The following PWWP3B variants were observed in gnomAD, a reference collection of about 807,000 sequenced individuals.
PWWP3B encodes PWWP domain containing 3B.
PWWP3B carries 5 observed loss-of-function variants against 15.7 expected under a neutral mutation model. That is an observed-to-expected ratio of 0.32 (90% confidence interval 0.17 to 0.67). The LOEUF (loss-of-function observed/expected upper bound fraction) is 0.67. Among genes scored for constraint, PWWP3B ranks in the 30% least tolerant of loss-of-function variants. The pLI is 0.74. For missense variants in PWWP3B, 519 were observed against 493.1 expected, an observed-to-expected ratio of 1.05 and a Z score of -0.50; for synonymous variants, 203 against 179.8, an observed-to-expected ratio of 1.13 and a Z score of -1.03.
rs545956020 is a variant in PWWP3B, at chrX:106,182,471, A to G, written c.-401+11332A>G. 1.8e-4 allele frequency among the ~76,000 whole-genome samples: 20 copies of G among 111,570 alleles called. No individual in the cohort carries two copies. The South Asian group carries it at 7.2e-3, about 40-fold the overall frequency. ...AGGCAGATATAGGTTGATGTTCCACATAAGAAGAATATGTCTTAGCTGGGT... is the reference window on the plus strand; with the variant it reads ...AGGCAGATATAGGTTGATGTTCCACGTAAGAAGAATATGTCTTAGCTGGGT... On this transcript the variant is annotated intron_variant, in intron 2 of 3. Transcript: ENST00000357175.
At chrX:106,171,574 G>A (rs966208958) in intron 2 of PWWP3B, among the ~76,000 whole-genome samples, 4 of 111,307 alleles carry the variant, frequency 3.6e-5, no homozygotes, top group Admixed American at 2.9e-4. Context: ...ATGGCTTAAC[G>A]ATGGGGACAT....
chrX:106,189,735 A>G lies in PWWP3B; in HGVS notation c.-400-14250A>G, dbSNP rs1388706184. Among the ~76,000 whole-genome samples the G allele has an allele frequency of 1.2e-4, 12 of 104,266 alleles. No homozygotes were observed. The Admixed American group carries it at 1.2e-3, about 10-fold the overall frequency. 90.5% of individuals were successfully genotyped at this position (104,266 alleles called of 115,157 possible). ...CGGGTTCACGCCATTCTCCTGCCTC[A>G]GCCTCCCGAGTAGCTGGGACTACAG... On this transcript the variant is annotated intron_variant, in intron 2 of 3. Coordinates refer to ENST00000357175, the MANE Select transcript of PWWP3B (RefSeq NM_001171020.2).
intron 2 of PWWP3B, among the ~76,000 whole-genome samples, chrX:106,189,234 TTTA>T (rs1048305709): frequency 1.1e-4 from 12 of 111,860 alleles, no homozygotes; most frequent in African/African-American, 2.3e-4. Context: ...TTTTTAAAAT[TTTA>T]TTATTATTAT....
rs1924096484 is a variant in PWWP3B, at chrX:106,207,242, G to A, written c.1810G>A (p.Asp604Asn). Residue 604 changes from aspartate (D) to asparagine (N), a missense_variant, in exon 4 of 4, where the codon GAT becomes AAT. By Grantham distance (23) the Asp-to-Asn change is conservative. Transcript: ENST00000357175. Reference sequence around the variant, plus strand: ...TATTGAAACATACTTTGAGGATGAAGATCAGTTGGATGAAGTGGTGAAATA... The same window carrying A: ...TATTGAAACATACTTTGAGGATGAAAATCAGTTGGATGAAGTGGTGAAATA... ...PCIETYFEDE[D>N]QLDEVVKYLQ... 2 of 1,210,462 alleles carry A rather than the reference G, an allele frequency of 1.7e-6. No individual in the cohort carries two copies. The highest frequency in any genetic ancestry group is 1.7e-5 in the African/African-American group (1 of 57,907).
intron 2 of PWWP3B, among the ~76,000 whole-genome samples, chrX:106,195,235 T>C (rs1923305170): frequency 8.9e-6 from 1 of 112,048 alleles, no homozygotes; most frequent in South Asian, 3.7e-4. Context: ...TTATTGAATT[T>C]TGAGAGTTCT....
intron 2 of PWWP3B, among the ~76,000 whole-genome samples, chrX:106,198,480 TG>T (rs1481557032): frequency 1.8e-5 from 2 of 111,658 alleles, no homozygotes; most frequent in Non-Finnish European, 3.8e-5. Context: ...GAGTTGGTTA[TG>T]GCCCTCTCTT....
chrX:106,182,673 C>T (rs1029701447), intron 2 of PWWP3B, among the ~76,000 whole-genome samples: 4 of 105,513 alleles, frequency 3.8e-5, no homozygotes, highest in African/African-American at 1.1e-4. Context: ...AGGAACCATT[C>T]GAGAGGGTGA....
At chrX:106,168,884 T>C (rs1433630780) in intron 1 of PWWP3B, among the ~76,000 whole-genome samples, 1 of 112,013 alleles carries the variant, frequency 8.9e-6, no homozygotes, top group Non-Finnish European at 1.9e-5. Context: ...AGAATTAGTT[T>C]GGTTATTTGT....
chrX:106,189,679 G>A (rs1254277488), intron 2 of PWWP3B, among the ~76,000 whole-genome samples: 6 of 101,319 alleles, frequency 5.9e-5, no homozygotes, highest in East Asian at 3.1e-4. Flanking sequence ...GTGCAGTGGC[G>A]TGATCTCGGC....
rs1924105074 is a variant in PWWP3B at position 106,207,378 on chromosome X, T to A, written c.1946T>A (p.Ile649Asn). The A allele has an allele frequency of 8.5e-7, 1 of 1,175,144 alleles. No homozygotes were observed. The highest frequency in any genetic ancestry group is 1.8e-5 in the African/African-American group (1 of 56,343). ...CTGCCAGAAGCAATTATTTGTTCAA[T>A]TTCTGCTGTTGATGGGTTAGATTAC... is the stretch of plus-strand genomic sequence containing the variant. ...VLLPEAIICS[I>N]SAVDGLDYEA... The change falls in exon 4 of 4, where the codon ATT becomes AAT. Residue 649 changes from isoleucine to asparagine, a missense_variant. Transcript: ENST00000357175.
intron 2 of PWWP3B, among the ~76,000 whole-genome samples, chrX:106,200,058 G>C (rs1431696838): frequency 9.0e-6 from 1 of 111,534 alleles, no homozygotes; most frequent in East Asian, 2.8e-4. Context: ...GGGGATCCAT[G>C]CCTAAATTCT....
rs1261391252 is a variant in PWWP3B at position 106,208,781 on chromosome X, T to C, written c.*1258T>C. 3 of 123,663 alleles carry C rather than the reference T, an allele frequency of 2.4e-5. No homozygotes were observed. In the East Asian group the frequency reaches 8.4e-4, roughly 35 times the overall value. The allele number at this position is 123,663 out of a possible 1,213,427, so 10.2% of individuals were successfully genotyped here. The stretch of plus-strand genomic sequence containing the variant: ...TAAATGTTAGAAAAGTTAGTTTATT[T>C]TGGAAACCTGCCGTGAAAGGAAATT... On this transcript the variant is annotated 3_prime_UTR_variant, in exon 4 of 4. Transcript: ENST00000357175.
At position 106,206,032 on chromosome X, in the gene PWWP3B, G is replaced by T; in HGVS notation, c.600G>T (p.Ser200=). ...SSWCETFPSL[S]EDNDEKENKN... ...GGTGCGAGACTTTCCCTTCACTTTC[G>T]GAAGATAATGATGAAAAAGAGAACA... Residue 200 remains serine (S), a synonymous_variant, in exon 4 of 4, where the codon TCG becomes TCT. Transcript: ENST00000357175. 8.3e-7 allele frequency: 1 copy of T among 1,208,751 alleles called. No individual in the cohort carries two copies. The highest frequency in any genetic ancestry group is 3.0e-5 in the East Asian group (1 of 33,762).
In PWWP3B at chrX:106,205,804, A is replaced by G. The variant is rs1569367196; in HGVS notation, c.372A>G (p.Lys124=). 8.3e-7 allele frequency: 1 copy of G among 1,211,328 alleles called. No homozygotes were observed. Among genetic ancestry groups the G allele is most frequent in the East Asian group, 3.0e-5 (1 of 33,807 alleles). Residue 124 remains lysine (K), a synonymous_variant, in exon 4 of 4, where the codon AAA becomes AAG. Coordinates refer to ENST00000357175, the MANE Select transcript of PWWP3B (RefSeq NM_001171020.2). The part of the protein sequence containing the change: ...ITMLSQNVPQ[K]QSDSPPHKKY... ...TGCTGTCTCAAAATGTACCACAAAA[A>G]CAGTCCGATTCACCCCCTCATAAAA...
Position 106,206,123 on chromosome X carries a change from G to A in PWWP3B, c.691G>A (p.Val231Ile). 8.3e-7 allele frequency: 1 copy of A among 1,210,961 alleles called. No individual in the cohort carries two copies. The highest frequency in any genetic ancestry group is 1.1e-6 in the Non-Finnish European group (1 of 895,031). Residue 231 changes from valine (V) to isoleucine (I), a missense_variant, in exon 4 of 4, where the codon GTT becomes ATT. Transcript: ENST00000357175. ...TGCAGTCAAAGAGGAAAGTGCATGT[G>A]TTAAAGATGAAAAGTTTGCTCCACC... ...HSAVKEESAC[V>I]KDEKFAPPLS...
chrX:106,171,475 A>G (rs771974403), intron 2 of PWWP3B, among the ~76,000 whole-genome samples: 1 of 111,962 alleles, frequency 8.9e-6, no homozygotes, highest in Admixed American at 9.5e-5. Flanking sequence ...CTAGGTTGTC[A>G]TACCATAAAC....
Position 106,206,362 on chromosome X carries a change from T to C in PWWP3B, c.930T>C (p.Pro310=), listed in dbSNP as rs758647664. The C allele has an allele frequency of 3.3e-6, 4 of 1,203,073 alleles. No homozygotes were observed. The highest frequency in any genetic ancestry group is 5.9e-5 in the East Asian group (2 of 33,652). The change falls in exon 4 of 4, where the codon CCT becomes CCC. Residue 310 remains proline, a synonymous_variant. Transcript: ENST00000357175. ...CAGAGATGGGGGCTGCAGCATGCCC[T>C]GGGAGTTGTTCAAGGGAATGCGAGG... ...MESEMGAAAC[P]GSCSRECEVS... is the part of the protein sequence containing the mutation.
At position 106,186,424 on chromosome X, in the gene PWWP3B, G is replaced by A. The variant is rs774481738; in HGVS notation, c.-401+15285G>A. On this transcript the variant is annotated intron_variant, in intron 2 of 3. Transcript: ENST00000357175. The stretch of plus-strand genomic sequence containing the variant: ...CCCATGTCTTTAGTCCGGCAGCCAC[G>A]CTAGTTGCTTTTAATTGGCCAACAG... Among the ~76,000 whole-genome samples, 4 of 111,604 alleles carry A rather than the reference G, an allele frequency of 3.6e-5. 1 individual carries two copies. In the East Asian group the frequency reaches 8.5e-4, roughly 24 times the overall value.
At chrX:106,181,764 C>T (rs770709008) in intron 2 of PWWP3B, among the ~76,000 whole-genome samples, 14 of 111,517 alleles carry the variant, frequency 1.3e-4, no homozygotes, top group Admixed American at 1.9e-4. Flanking sequence ...GCCGGCAGGT[C>T]GGTCCATGGG....
Sources: allele counts gnomAD v4.1 joint callset (sites outside exome capture counted in the v4.1 genomes callset), GRCh38; gene constraint gnomAD v4.1.1; transcripts MANE v1.5; gene names NCBI Gene and HGNC (gene_info 2026-07-23, HGNC 2026-07-21).